The following DARS1 variants were observed in gnomAD, a reference collection of about 807,000 sequenced individuals.
DARS1 encodes aspartyl-tRNA synthetase 1.
A neutral mutation model predicts 68.8 loss-of-function variants in DARS1; 51 were observed. That is an observed-to-expected ratio of 0.74 (90% CI 0.59 to 0.94). The LOEUF is 0.94. Ranked by LOEUF, DARS1 falls within the 40% of genes least tolerant of loss-of-function variation. DARS1 has a pLI of 0.00. For synonymous variants in DARS1, 203 were observed against 190.4 expected (o/e 1.07, Z -0.55); for missense variants, 607 against 597.3 (o/e 1.02, Z -0.17).
At chr2:135,945,922 C>A (rs1462246874) in intron 4 of DARS1, among the ~76,000 whole-genome samples, 5 of 152,118 alleles carry the variant, frequency 3.3e-5, no homozygotes, top group African/African-American at 9.7e-5. Flanking sequence ...AAAATCATAA[C>A]CTATTTAGAC....
rs1310180290 is a variant in DARS1, at chr2:135,922,893, A to T, written c.702T>A (p.Val234=). 3 of 1,562,230 alleles carry T rather than the reference A, an allele frequency of 1.9e-6. No individual in the cohort carries two copies. Among genetic ancestry groups the T allele is most frequent in the Non-Finnish European group, 1.7e-6 (2 of 1,156,012 alleles). Residue 234 remains valine (V), a synonymous_variant, in exon 9 of 16, where the codon GTT becomes GTA. Coordinates refer to ENST00000264161, the MANE Select transcript of DARS1 (RefSeq NM_001349.4). Reference sequence around the variant, plus strand: ...TATTTTTAAAATATGACACAGTAAAAACATTGGCTCCTCCTTCACTGGCAG... The same window carrying T: ...TATTTTTAAAATATGACACAGTAAATACATTGGCTCCTCCTTCACTGGCAG... ...ISAASEGGAN[V]FTVSYFKNNA...
chr2:135,943,869 A>G (rs1331115338), intron 4 of DARS1, among the ~76,000 whole-genome samples: 2 of 152,176 alleles, frequency 1.3e-5, no homozygotes, highest in Non-Finnish European at 2.9e-5. Flanking sequence ...AATAAATGCA[A>G]TTACTGGTAT....
rs1428772236 is a variant in DARS1 at position 135,906,439 on chromosome 2, A to C, written c.*877T>G. Among the ~76,000 whole-genome samples the C allele has an allele frequency of 6.6e-6, 1 of 152,228 alleles. No individual in the cohort carries two copies. Among genetic ancestry groups the C allele is most frequent in the Non-Finnish European group, 1.5e-5 (1 of 68,024 alleles). On this transcript the variant is annotated 3_prime_UTR_variant, in exon 16 of 16. Transcript: ENST00000264161. ...ATCAGTACCATTCCAGTTAAAAATC[A>C]AACAAAATTCTGCAATATATTTTAA...
rs66527494 is a variant in DARS1, at chr2:135,959,391, C to CAAAAAAAAAAAAAAAAAAAAAAAAAAAAA, written c.320+1976_320+2004dup. Among the ~76,000 whole-genome samples the CAAAAAAAAAAAAAAAAAAAAAAAAAAAAA allele has an allele frequency of 2.0e-4, 3 of 15,032 alleles. 1 individual carries two copies. Among genetic ancestry groups the CAAAAAAAAAAAAAAAAAAAAAAAAAAAAA allele is most frequent in the Non-Finnish European group, 3.0e-4 (2 of 6,742 alleles). The allele number at this position is 15,032 out of a possible 152,430, so 9.9% of individuals were successfully genotyped here. ...GGGCAACAAGAGTGAAACTCCGTCT[C>CAAAAAAAAAAAAAAAAAAAAAAAAAAAAA]AAAAAAAAAAAAAAAAAAAAAAAAA... On this transcript the variant is annotated intron_variant, in intron 4 of 15. Coordinates refer to ENST00000264161, the MANE Select transcript of DARS1 (RefSeq NM_001349.4).
At chr2:135,938,621 C>G (rs1381671734) in intron 5 of DARS1, among the ~76,000 whole-genome samples, 1 of 152,100 alleles carries the variant, frequency 6.6e-6, no homozygotes, top group Admixed American at 6.6e-5. Flanking sequence ...AGCAAAATAA[C>G]CAGCTAACGT....
intron 15 of DARS1, 184 bp downstream of exon 15, chr2:135,910,955 G>C: frequency 4.0e-6 from 2 of 495,580 alleles, no homozygotes; most frequent in Non-Finnish European, 7.3e-6. Context: ...ATTCTTAAGA[G>C]AAAAAAAATG....
intron 10 of DARS1, among the ~76,000 whole-genome samples, chr2:135,919,696 G>C (rs968263997): frequency 1.3e-5 from 2 of 152,170 alleles, no homozygotes; most frequent in African/African-American, 4.8e-5. Flanking sequence ...TGCCAGTTTA[G>C]AGGGTGTAGG....
intron 4 of DARS1, among the ~76,000 whole-genome samples, chr2:135,960,183 T>A (rs1682069755): frequency 6.6e-6 from 1 of 152,194 alleles, no homozygotes; most frequent in Non-Finnish European, 1.5e-5. Flanking sequence ...AGAAAAGTGG[T>A]CATCTCTGGG....
chr2:135,952,011 C>G lies in DARS1; in HGVS notation c.321-8531G>C, dbSNP rs534106171. Among the ~76,000 whole-genome samples, 4 of 152,090 alleles carry G rather than the reference C, an allele frequency of 2.6e-5. No homozygotes were observed. In the South Asian group the frequency reaches 6.2e-4, roughly 24 times the overall value. On this transcript the variant is annotated intron_variant, in intron 4 of 15. Coordinates refer to ENST00000264161, the MANE Select transcript of DARS1 (RefSeq NM_001349.4). The stretch of plus-strand genomic sequence containing the variant: ...GTCCCTGCACTTTGGGAGGCTGAGG[C>G]GGGTGGATCACCTGAGGTGAGGAGT...
At position 135,907,172 on chromosome 2, in the gene DARS1, G is replaced by T; in HGVS notation, c.*144C>A. Reference sequence around the variant, plus strand: ...TTTAGGGCCTTGCAAATTTATTCTAGTGCATATTTTAAGTACCTAAAGTAC... The same window carrying T: ...TTTAGGGCCTTGCAAATTTATTCTATTGCATATTTTAAGTACCTAAAGTAC... On this transcript the variant is annotated 3_prime_UTR_variant, in exon 16 of 16. Coordinates refer to ENST00000264161, the MANE Select transcript of DARS1 (RefSeq NM_001349.4). 1 of 492,494 alleles carries T rather than the reference G, an allele frequency of 2.0e-6. No homozygotes were observed. The allele number at this position is 492,494 out of a possible 1,614,324, so 30.5% of individuals were successfully genotyped here.
intron 15 of DARS1, among the ~76,000 whole-genome samples, chr2:135,908,872 T>C (rs1680839561): frequency 6.6e-6 from 1 of 152,186 alleles, no homozygotes; most frequent in Non-Finnish European, 1.5e-5. Context: ...AGCAAAGACA[T>C]GGGATCAACC....
intron 3 of DARS1, among the ~76,000 whole-genome samples, chr2:135,966,930 T>C (rs1483913276): frequency 1.3e-5 from 2 of 152,222 alleles, no homozygotes; most frequent in African/African-American, 4.8e-5. Flanking sequence ...GGATGTAGTG[T>C]TTTAGAAAAA....
intron 5 of DARS1, among the ~76,000 whole-genome samples, chr2:135,938,574 AT>A (rs1681522888): frequency 6.6e-6 from 1 of 152,138 alleles, no homozygotes; most frequent in South Asian, 2.1e-4. Context: ...AGGCACTCTG[AT>A]TTTTAGAATT....
intron 5 of DARS1, among the ~76,000 whole-genome samples, chr2:135,942,885 C>G (rs1681636659): frequency 6.6e-6 from 1 of 152,166 alleles, no homozygotes. Flanking sequence ...TGCTTTTCCT[C>G]CCATCAAGGG....
chr2:135,949,773 TA>T (rs1169908278), intron 4 of DARS1, among the ~76,000 whole-genome samples: 1 of 152,220 alleles, frequency 6.6e-6, no homozygotes, highest in Admixed American at 6.5e-5. Flanking sequence ...ATCAACTTTT[TA>T]GATTACTCTA....
chr2:135,919,984 T>C (rs566969995), intron 10 of DARS1, among the ~76,000 whole-genome samples: 1 of 152,284 alleles, frequency 6.6e-6, no homozygotes, highest in Admixed American at 6.5e-5. Flanking sequence ...CTGAGGAAAC[T>C]GAGGCACAGA....
Position 135,920,542 on chromosome 2 carries a change from G to A in DARS1, c.870C>T (p.Asp290=), listed in dbSNP as rs1372940233. The change falls in exon 10 of 16, where the codon GAC becomes GAT. Residue 290 remains aspartate (D), a synonymous_variant. Transcript: ENST00000264161. ...AATGGTAATTAAAAGCCATTTCAAT[G>A]TCCAAACCAACAAACTCAGTTAGAT... is the stretch of plus-strand genomic sequence containing the variant. ...HRHLTEFVGL[D]IEMAFNYHYH... is the part of the protein sequence containing the mutation. The A allele has an allele frequency of 1.2e-6, 2 of 1,613,708 alleles. No homozygotes were observed. Among genetic ancestry groups the A allele is most frequent in the African/African-American group, 2.7e-5 (2 of 75,014 alleles).
chr2:135,919,157 A>G (rs1436320985), intron 10 of DARS1, among the ~76,000 whole-genome samples: 1 of 152,112 alleles, frequency 6.6e-6, no homozygotes, highest in Non-Finnish European at 1.5e-5. Context: ...CAGCCTCCCA[A>G]GTAGCTGGGA....
At chr2:135,912,141 G>A (rs1558775903) in intron 13 of DARS1, among the ~76,000 whole-genome samples, 1 of 152,106 alleles carries the variant, frequency 6.6e-6, no homozygotes, top group Non-Finnish European at 1.5e-5. Flanking sequence ...TAACTCCCAG[G>A]ATACAATGTG....
Sources: allele counts gnomAD v4.1 joint callset (sites outside exome capture counted in the v4.1 genomes callset), GRCh38; gene constraint gnomAD v4.1.1; transcripts MANE v1.5; gene names NCBI Gene and HGNC (gene_info 2026-07-23, HGNC 2026-07-21).